RGS7: variants seen among roughly 807,000 people sequenced by gnomAD.
The protein encoded by RGS7 is regulator of G protein signaling 7.
In RGS7, 27 loss-of-function variants were observed where a neutral mutation model predicts 81.1. That is an observed-to-expected ratio of 0.33 (90% confidence interval 0.25 to 0.46). The LOEUF (loss-of-function observed/expected upper bound fraction) is 0.46, where lower values mean the gene tolerates loss of function less well. RGS7 is among the 20% of genes least tolerant of loss of function. The probability of loss-of-function intolerance (pLI) is 1.00; values close to 1 mark genes in which losing one functional copy is unlikely to be tolerated. For synonymous variants in RGS7, 208 were observed against 207.7 expected (o/e 1.00, Z -0.01); for missense variants, 396 against 607.4 (o/e 0.65, Z 3.66).
At chr1:240,775,087 A>G (rs1201478908), downstream of RGS7, among the ~76,000 whole-genome samples, 1 of 152,164 alleles carries the variant, frequency 6.6e-6, no homozygotes. Context: ...GTATTCTCAA[A>G]ATAATCTGTA....
intron 4 of RGS7, among the ~76,000 whole-genome samples, chr1:240,945,166 G>A (rs966733055): frequency 2.0e-5 from 3 of 152,218 alleles, no homozygotes; most frequent in African/African-American, 7.2e-5. Context: ...TTGTGTCAAA[G>A]GGAAATGGAT....
intron 7 of RGS7, 43 bp downstream of exon 7, chr1:240,870,012 T>C (rs371313694): frequency 2.7e-6 from 4 of 1,508,688 alleles, no homozygotes; most frequent in Non-Finnish European, 3.7e-6. Flanking sequence ...CTTACTGCTG[T>C]GCATTCTATG....
chr1:240,861,636 A>C (rs1662211496), intron 9 of RGS7, among the ~76,000 whole-genome samples: 1 of 152,176 alleles, frequency 6.6e-6, no homozygotes, highest in Admixed American at 6.5e-5. Flanking sequence ...TAAACCAATA[A>C]ACTTTATTCC....
intron 3 of RGS7, among the ~76,000 whole-genome samples, chr1:241,040,371 T>C (rs2060548621): frequency 6.6e-6 from 1 of 152,246 alleles, no homozygotes; most frequent in South Asian, 2.1e-4. Flanking sequence ...GGGTGTTTAA[T>C]GAACAGCTTT....
chr1:240,899,381 G>A (rs759532757), intron 6 of RGS7, among the ~76,000 whole-genome samples: 3 of 152,116 alleles, frequency 2.0e-5, no homozygotes, highest in Non-Finnish European at 2.9e-5. Flanking sequence ...TCCTAGCATC[G>A]ATGGTCTTTA....
chr1:241,141,402 A>G (rs2067911599), intron 2 of RGS7, among the ~76,000 whole-genome samples: 1 of 152,224 alleles, frequency 6.6e-6, no homozygotes, highest in Non-Finnish European at 1.5e-5. Flanking sequence ...GATTCACTGT[A>G]TTAATCCATT....
chr1:241,056,237 T>C (rs1200596243), intron 3 of RGS7, among the ~76,000 whole-genome samples: 1 of 152,220 alleles, frequency 6.6e-6, no homozygotes, highest in Admixed American at 6.5e-5. Flanking sequence ...AGACATTTTG[T>C]ATGTATGCTT....
rs573264629 is a variant in RGS7, at chr1:241,179,376, G to A, written c.79-80614C>T. ...GGCCCCCAAAGTGCTGGGATTCCAG[G>A]TGTGAGCCACCAGGCAGATTTTTTA... On this transcript the variant is annotated intron_variant, in intron 2 of 18. Transcript: ENST00000440928. Among the ~76,000 whole-genome samples, 104 of 152,290 alleles carry A rather than the reference G, an allele frequency of 6.8e-4. 2 individuals carry two copies. The highest frequency in any genetic ancestry group is 6.7e-3 in the Admixed American group (103 of 15,300).
intron 6 of RGS7, among the ~76,000 whole-genome samples, chr1:240,892,015 G>A (rs1205344472): frequency 6.6e-6 from 1 of 152,202 alleles, no homozygotes; most frequent in Non-Finnish European, 1.5e-5. Flanking sequence ...GAGAGGACGG[G>A]AGGATCTTAT....
intron 3 of RGS7, among the ~76,000 whole-genome samples, chr1:241,063,731 T>C (rs1008658506): frequency 3.9e-5 from 6 of 151,930 alleles, no homozygotes; most frequent in African/African-American, 1.5e-4. Flanking sequence ...ACCTATTATG[T>C]ACCAAGCACT....
At chr1:241,341,780 G>T (rs2082563439) in intron 2 of RGS7, among the ~76,000 whole-genome samples, 2 of 151,610 alleles carry the variant, frequency 1.3e-5, no homozygotes. Context: ...GAGCCTTGAA[G>T]AGGTTTAGTA....
chr1:240,896,198 G>T (rs765412863), intron 6 of RGS7, among the ~76,000 whole-genome samples: 1 of 152,032 alleles, frequency 6.6e-6, no homozygotes, highest in African/African-American at 2.4e-5. Flanking sequence ...TTGTCAGATG[G>T]GTAGATTGTA....
At chr1:241,180,115 C>T (rs1160139105) in intron 2 of RGS7, among the ~76,000 whole-genome samples, 1 of 152,148 alleles carries the variant, frequency 6.6e-6, no homozygotes, top group Non-Finnish European at 1.5e-5. Flanking sequence ...TGGCTCACAC[C>T]TGTCATCCCA....
At chr1:240,908,422 C>T (rs1261662849) in intron 6 of RGS7, among the ~76,000 whole-genome samples, 1 of 152,168 alleles carries the variant, frequency 6.6e-6, no homozygotes, top group East Asian at 1.9e-4. Flanking sequence ...TAAGCCTACA[C>T]AAATGAATGA....
intron 2 of RGS7, among the ~76,000 whole-genome samples, chr1:241,249,075 A>T (rs61833815): frequency 0.14 from 20,995 of 152,160 alleles, 1,555 homozygotes; most frequent in Middle Eastern, 0.17. Flanking sequence ...TTGTCTTTTC[A>T]TCCTCTTCAC....
chr1:241,119,230 G>A (rs1480722364), intron 2 of RGS7, among the ~76,000 whole-genome samples: 4 of 152,246 alleles, frequency 2.6e-5, no homozygotes, highest in Admixed American at 1.3e-4. Context: ...GAGGAATGAC[G>A]TTATTTTACA....
chr1:240,789,726 A>C (rs1029764386), intron 18 of RGS7, among the ~76,000 whole-genome samples: 2 of 152,180 alleles, frequency 1.3e-5, no homozygotes, highest in Non-Finnish European at 2.9e-5. Flanking sequence ...TTTCCTGATA[A>C]GATGTTATCA....
intron 14 of RGS7, among the ~76,000 whole-genome samples, chr1:240,810,258 T>C (rs1689605845): frequency 6.6e-6 from 1 of 152,154 alleles, no homozygotes; most frequent in Non-Finnish European, 1.5e-5. Flanking sequence ...GTAATTTTAA[T>C]GAGAGAAGGC....
chr1:240,881,853 G>C (rs1377811078), intron 6 of RGS7, among the ~76,000 whole-genome samples: 1 of 151,854 alleles, frequency 6.6e-6, no homozygotes, highest in East Asian at 1.9e-4. Flanking sequence ...CATATACCTT[G>C]ATAAAAGAAG....
Sources: allele counts gnomAD v4.1 joint callset (sites outside exome capture counted in the v4.1 genomes callset), GRCh38; gene constraint gnomAD v4.1.1; transcripts MANE v1.5; gene names NCBI Gene and HGNC (gene_info 2026-07-23, HGNC 2026-07-21).